RBMS2: variants seen among roughly 807,000 people sequenced by gnomAD.
RBMS2 encodes RNA-binding motif, single-stranded-interacting protein 2.
RBMS2 carries 38 observed loss-of-function variants against 58.4 expected under a neutral mutation model. The observed-to-expected ratio is 0.65, with a 90% CI of 0.50 to 0.85. RBMS2 has a LOEUF of 0.85. Among genes scored for constraint, RBMS2 ranks in the 40% least tolerant of loss-of-function variants. RBMS2 has a pLI of 0.00. For missense variants in RBMS2, 367 were observed against 503.7 expected (o/e 0.73, Z 2.60); for synonymous variants, 151 against 180.7 (o/e 0.84, Z 1.32).
At chr12:56,552,922 C>CTTTTTT (rs57408592) in intron 1 of RBMS2, among the ~76,000 whole-genome samples, 1 of 61,982 alleles carries the variant, frequency 1.6e-5, no homozygotes, top group Non-Finnish European at 2.9e-5. Flanking sequence ...ATTAAGAGTC[C>CTTTTTT]TTTTTTTTTT....
chr12:56,575,788 G>C (rs1190600052), intron 5 of RBMS2, among the ~76,000 whole-genome samples: 1 of 151,944 alleles, frequency 6.6e-6, no homozygotes, highest in Non-Finnish European at 1.5e-5. Context: ...CAGCTACTCA[G>C]GAGGCTGAGG....
rs749206041 is a variant in RBMS2, at chr12:56,595,281, C to CA, written c.*6151dup. 6.6e-6 allele frequency: 1 copy of CA among 152,214 alleles called. No homozygotes were observed. The highest frequency in any genetic ancestry group is 1.5e-5 in the Non-Finnish European group (1 of 68,038). The allele number at this position is 152,214 out of a possible 1,614,324, so 9.4% of individuals were successfully genotyped here. ...TACAGTTTAGGGGGTTGCACCAAGA[C>CA]AAAGTTTCCAGGCTGGAGGGTAATA... On this transcript the variant is annotated 3_prime_UTR_variant, in exon 14 of 14. Coordinates refer to ENST00000262031, the MANE Select transcript of RBMS2 (RefSeq NM_002898.4).
At chr12:56,566,616 G>A (rs1426970313) in intron 2 of RBMS2, among the ~76,000 whole-genome samples, 1 of 152,172 alleles carries the variant, frequency 6.6e-6, no homozygotes, top group African/African-American at 2.4e-5. Flanking sequence ...TCAGGAGTTC[G>A]AGACCAGCCT....
intron 1 of RBMS2, among the ~76,000 whole-genome samples, chr12:56,554,995 C>A (rs1439151060): frequency 6.6e-6 from 1 of 151,534 alleles, no homozygotes; most frequent in Non-Finnish European, 1.5e-5. Context: ...CAATGAATAT[C>A]CTTGTACATA....
chr12:56,588,786 G>A, intron 12 of RBMS2, 146 bp from the exon 13 acceptor site: 1 of 734,770 alleles, frequency 1.4e-6, no homozygotes, highest in Non-Finnish European at 2.4e-6. Flanking sequence ...GGAAGTGGTG[G>A]TGTGGGTGGA....
intron 1 of RBMS2, among the ~76,000 whole-genome samples, chr12:56,524,783 G>A (rs1872352428): frequency 6.6e-6 from 1 of 152,016 alleles, no homozygotes; most frequent in Non-Finnish European, 1.5e-5. Context: ...GCAGTGGCGT[G>A]ATTTCGGCTC....
chr12:56,553,826 GTTT>G (rs200492614), intron 1 of RBMS2, among the ~76,000 whole-genome samples: 58 of 136,232 alleles, frequency 4.3e-4, no homozygotes, highest in Admixed American at 4.5e-4. Context: ...TAATTTCTTT[GTTT>G]TTTTTTTTTT....
chr12:56,562,505 A>C lies in RBMS2; in HGVS notation c.155A>C (p.Gln52Pro). 1 of 1,609,014 alleles carries C rather than the reference A, an allele frequency of 6.2e-7. No individual in the cohort carries two copies. Among genetic ancestry groups the C allele is most frequent in the South Asian group, 1.1e-5 (1 of 90,986 alleles). The change falls in exon 2 of 14, where the codon CAG (glutamine) becomes CCG (proline). Residue 52 changes from glutamine (Q) to proline (P), a missense_variant. Transcript: ENST00000262031. ...AGTAGTGGAAGCAATGGAAATGACC[A>C]GCTGAGCAAAACCAACCTATACATC... is the stretch of plus-strand genomic sequence containing the variant. Reference protein sequence around the residue: ...NSSSGSNGNDQLSKTNLYIRG... With the variant: ...NSSSGSNGNDPLSKTNLYIRG...
chr12:56,529,415 C>T (rs1277729083), intron 1 of RBMS2, among the ~76,000 whole-genome samples: 1 of 151,848 alleles, frequency 6.6e-6, no homozygotes, highest in African/African-American at 2.4e-5. Context: ...AAAAATTAGC[C>T]AGGCGTGCTG....
chr12:56,526,601 G>A (rs542474306), intron 1 of RBMS2, among the ~76,000 whole-genome samples: 1 of 144,168 alleles, frequency 6.9e-6, no homozygotes, highest in Admixed American at 7.1e-5. Context: ...GAGGGATTCT[G>A]CAAGATAATT....
intron 1 of RBMS2, among the ~76,000 whole-genome samples, chr12:56,561,380 CA>C (rs766150518): frequency 1.2e-4 from 19 of 152,312 alleles, no homozygotes; most frequent in Non-Finnish European, 7.3e-5. Flanking sequence ...ACACTCCCAC[CA>C]ACAGTGTATA....
intron 1 of RBMS2, among the ~76,000 whole-genome samples, chr12:56,526,979 A>G (rs966032035): frequency 3.9e-5 from 6 of 152,120 alleles, no homozygotes; most frequent in Non-Finnish European, 5.9e-5. Context: ...ATACATTTCT[A>G]TTTCTTCTCA....
At chr12:56,554,546 T>C (rs1878884067) in intron 1 of RBMS2, among the ~76,000 whole-genome samples, 1 of 151,952 alleles carries the variant, frequency 6.6e-6, no homozygotes, top group East Asian at 1.9e-4. Flanking sequence ...TGAGAACACA[T>C]AGACATAGAG....
chr12:56,555,717 G>C (rs1288544364), intron 1 of RBMS2, among the ~76,000 whole-genome samples: 1 of 152,068 alleles, frequency 6.6e-6, no homozygotes. Flanking sequence ...AGTCTCCTGA[G>C]TAGGTGGGAT....
intron 11 of RBMS2, 98 bp from the exon 12 acceptor site, chr12:56,588,196 G>A: frequency 1.1e-6 from 1 of 929,142 alleles, no homozygotes; most frequent in Non-Finnish European, 1.7e-6. Flanking sequence ...AATCTCTGGG[G>A]TAGAATACAG....
intron 5 of RBMS2, among the ~76,000 whole-genome samples, chr12:56,580,659 A>T (rs1375418326): frequency 6.6e-6 from 1 of 152,112 alleles, no homozygotes; most frequent in Admixed American, 6.6e-5. Flanking sequence ...AGACTCCAAC[A>T]TTCCTTTTTC....
At position 56,571,829 on chromosome 12, in the gene RBMS2, G is replaced by A. The variant is rs1592462048; in HGVS notation, c.516G>A (p.Gly172=). ...CCCGTATCCTTCGAGATACCAGTGGGACCAGCAGAGGTGTTGGCTTTGCAA... is the reference window on the plus strand; with the variant it reads ...CCCGTATCCTTCGAGATACCAGTGGAACCAGCAGAGGTGTTGGCTTTGCAA... ...ISTRILRDTS[G]TSRGVGFARM... The change falls in exon 5 of 14, where the codon GGG becomes GGA. Residue 172 remains glycine, a synonymous_variant. Transcript: ENST00000262031. The A allele has an allele frequency of 1.9e-6, 3 of 1,580,708 alleles. No individual in the cohort carries two copies. Among genetic ancestry groups the A allele is most frequent in the African/African-American group, 1.4e-5 (1 of 73,868 alleles).
intron 5 of RBMS2, 80 bp downstream of exon 5, chr12:56,571,935 C>A (rs1218028871): frequency 7.8e-7 from 1 of 1,278,026 alleles, no homozygotes; most frequent in South Asian, 1.9e-5. Context: ...AAATCTATGC[C>A]TTTCCCACAC....
At chr12:56,520,521 A>G (rs1363393771), upstream of RBMS2, among the ~76,000 whole-genome samples, 1 of 152,198 alleles carries the variant, frequency 6.6e-6, no homozygotes, top group African/African-American at 2.4e-5. Context: ...GCTTTCATTT[A>G]ACATCCCTAT....
Sources: allele counts gnomAD v4.1 joint callset (sites outside exome capture counted in the v4.1 genomes callset), GRCh38; gene constraint gnomAD v4.1.1; transcripts MANE v1.5; gene names NCBI Gene and HGNC (gene_info 2026-07-23, HGNC 2026-07-21).